Variants in DENND1A observed in about 807,000 individuals in gnomAD.
The protein encoded by DENND1A is DENN domain containing 1A.
In DENND1A, 51 loss-of-function variants were observed where a neutral mutation model predicts 113.7. The observed-to-expected ratio is 0.45, with a 90% CI of 0.36 to 0.57. The LOEUF (loss-of-function observed/expected upper bound fraction) is 0.57. Among genes scored for constraint, DENND1A ranks in the 20% least tolerant of loss-of-function variants. DENND1A has a pLI of 0.00. For synonymous variants in DENND1A, 565 were observed against 570.8 expected, an observed-to-expected ratio of 0.99 and a Z score of 0.14; for missense variants, 1,258 against 1,395.9, an observed-to-expected ratio of 0.90 and a Z score of 1.57.
intron 13 of DENND1A, among the ~76,000 whole-genome samples, chr9:123,540,790 C>T (rs1437069928): frequency 1.3e-5 from 2 of 152,208 alleles, no homozygotes; most frequent in Admixed American, 6.5e-5. Context: ...CACCCTGACA[C>T]ATTGAATTAT....
At chr9:123,567,365 T>C (rs187322996) in intron 12 of DENND1A, among the ~76,000 whole-genome samples, 2 of 152,310 alleles carry the variant, frequency 1.3e-5, no homozygotes, top group Non-Finnish European at 2.9e-5. Context: ...TAAGTTACCT[T>C]TGAAAAAACT....
intron 5 of DENND1A, among the ~76,000 whole-genome samples, chr9:123,727,803 G>GA (rs1398487475): frequency 6.6e-6 from 1 of 152,020 alleles, no homozygotes; most frequent in Non-Finnish European, 1.5e-5. Flanking sequence ...ACCAAAGAAA[G>GA]AAATCAAAGA....
chr9:123,832,448 T>C (rs920655757), intron 2 of DENND1A, among the ~76,000 whole-genome samples: 3 of 152,198 alleles, frequency 2.0e-5, no homozygotes, highest in Admixed American at 6.5e-5. Context: ...TTCCACCACA[T>C]TGGAAAACTT....
chr9:123,815,412 G>C (rs1475496748), intron 2 of DENND1A, among the ~76,000 whole-genome samples: 1 of 152,136 alleles, frequency 6.6e-6, no homozygotes, highest in Non-Finnish European at 1.5e-5. Context: ...CACATGACTA[G>C]AAACAACTTT....
At chr9:123,550,712 TA>T (rs2056990314) in intron 13 of DENND1A, among the ~76,000 whole-genome samples, 1 of 152,252 alleles carries the variant, frequency 6.6e-6, no homozygotes, top group Admixed American at 6.5e-5. Flanking sequence ...CATGATGATA[TA>T]ATTTTAAACA....
intron 2 of DENND1A, among the ~76,000 whole-genome samples, chr9:123,826,010 T>TTG (rs1839269848): frequency 6.6e-6 from 1 of 151,372 alleles, no homozygotes; most frequent in Admixed American, 6.6e-5. Flanking sequence ...GATACCTGAG[T>TTG]GAGAGTCAAA....
At chr9:123,481,447 G>A (rs2050329928) in intron 13 of DENND1A, among the ~76,000 whole-genome samples, 1 of 152,248 alleles carries the variant, frequency 6.6e-6, no homozygotes, top group African/African-American at 2.4e-5. Flanking sequence ...CGGCCCTCCT[G>A]TGCCAGGTGC....
intron 13 of DENND1A, among the ~76,000 whole-genome samples, chr9:123,509,403 G>C (rs1474653409): frequency 6.6e-6 from 1 of 152,222 alleles, no homozygotes; most frequent in Non-Finnish European, 1.5e-5. Flanking sequence ...TGAACCTCAG[G>C]TTCTGTAAAG....
At chr9:123,581,499 C>CCTA (rs1281212809) in intron 12 of DENND1A, among the ~76,000 whole-genome samples, 2 of 152,046 alleles carry the variant, frequency 1.3e-5, no homozygotes, top group Admixed American at 6.5e-5. Flanking sequence ...GTGGCATGTG[C>CCTA]CTACGGTCCC....
intron 3 of DENND1A, among the ~76,000 whole-genome samples, chr9:123,773,068 T>A (rs1185459056): frequency 1.3e-5 from 2 of 152,132 alleles, no homozygotes; most frequent in African/African-American, 2.4e-5. Flanking sequence ...AAATAGGCAA[T>A]TTCCAAAAGG....
intron 13 of DENND1A, among the ~76,000 whole-genome samples, chr9:123,507,539 A>G (rs1002302379): frequency 1.3e-5 from 2 of 152,132 alleles, no homozygotes; most frequent in Non-Finnish European, 2.9e-5. Flanking sequence ...AGACTAAAGC[A>G]GAAAATTTTA....
chr9:123,671,430 T>G (rs542830897), intron 6 of DENND1A, 59 bp from the exon 7 acceptor site: 4 of 1,551,748 alleles, frequency 2.6e-6, no homozygotes, highest in Non-Finnish European at 3.5e-6. Context: ...GTAAGATACC[T>G]GCAGGGAGGT....
At chr9:123,599,545 T>C (rs2059853621) in intron 11 of DENND1A, among the ~76,000 whole-genome samples, 2 of 152,198 alleles carry the variant, frequency 1.3e-5, no homozygotes, top group African/African-American at 4.8e-5. Flanking sequence ...CTAATTGTCA[T>C]CACTTTATGG....
intron 12 of DENND1A, among the ~76,000 whole-genome samples, chr9:123,565,607 C>A (rs2058013159): frequency 6.6e-6 from 1 of 152,128 alleles, no homozygotes; most frequent in Non-Finnish European, 1.5e-5. Flanking sequence ...ATAAAGTAGG[C>A]ATCAAGGCTT....
chr9:123,420,061 A>C (rs978679776), intron 19 of DENND1A, among the ~76,000 whole-genome samples: 2 of 152,210 alleles, frequency 1.3e-5, no homozygotes, highest in African/African-American at 2.4e-5. Context: ...GTCACTCTAG[A>C]GGGATATTCC....
chr9:123,421,101 G>A (rs1426572287), intron 19 of DENND1A, among the ~76,000 whole-genome samples: 1 of 146,052 alleles, frequency 6.8e-6, no homozygotes, highest in Non-Finnish European at 1.5e-5. Context: ...GGGTGCCTGG[G>A]TGACATTCCC....
rs561308364 is a variant in DENND1A, at chr9:123,538,482, T to C, written c.993+19088A>G. ...CTGAAGAAATGTCTGATTCCAGGTT[T>C]GGGGGTAGGATGTACAAGATAAGCC... On this transcript the variant is annotated intron_variant, in intron 13 of 23. Transcript: ENST00000394215. Among the ~76,000 whole-genome samples the C allele has an allele frequency of 1.1e-4, 17 of 152,052 alleles. No individual in the cohort carries two copies. In the South Asian group the frequency reaches 3.5e-3, roughly 32 times the overall value.
rs376967578 is a variant in DENND1A at position 123,382,066 on chromosome 9, G to C, written c.2579C>G (p.Pro860Arg). The C allele has an allele frequency of 3.3e-6, 5 of 1,510,888 alleles. No individual in the cohort carries two copies. Among genetic ancestry groups the C allele is most frequent in the Non-Finnish European group, 2.7e-6 (3 of 1,131,470 alleles). 93.6% of individuals were successfully genotyped at this position (1,510,888 alleles called of 1,614,324 possible). The change falls in exon 24 of 24, where the codon CCG (proline) becomes CGG (arginine). Residue 860 changes from proline (P) to arginine (R), a missense_variant. This residue lies in a region of DENND1A where 1,159 missense variants were observed against 1,231.7 expected (regional missense o/e 0.94). Transcript: ENST00000394215. ...TACATTCGGGGTGGCGGGGCGTGAC[G>C]GGAGGGTGCTGCCTGACCAGGCTGT... ...LSTAWSGSTLPSRPATPNVAT... is the reference protein window; with the variant it reads ...LSTAWSGSTLRSRPATPNVAT...
intron 9 of DENND1A, among the ~76,000 whole-genome samples, chr9:123,631,142 T>C (rs1038437759): frequency 1.3e-5 from 2 of 152,274 alleles, no homozygotes; most frequent in Admixed American, 6.5e-5. Flanking sequence ...ATAAGTATGT[T>C]AGTATAATGA....
Sources: gnomAD v4.1 joint callset for allele counts (sites outside exome capture counted in the v4.1 genomes callset) on GRCh38, gnomAD v4.1.1 for gene constraint, gnomAD v4.1.1 regional missense constraint, MANE v1.5 for transcripts, NCBI Gene and HGNC (gene_info 2026-07-23, HGNC 2026-07-21) for gene names.